The following CR2 variants were observed in gnomAD, a reference collection of about 807,000 sequenced individuals.
CR2 encodes complement C3d receptor 2.
In CR2, 96 loss-of-function variants were observed where a neutral mutation model predicts 123.0. The ratio of observed to expected loss-of-function variants is 0.78; its 90% CI spans 0.66 to 0.93. The LOEUF (loss-of-function observed/expected upper bound fraction) is 0.93. Among genes scored for constraint, CR2 ranks in the 40% least tolerant of loss-of-function variants. The probability of loss-of-function intolerance (pLI) is 0.00; values close to 1 mark genes in which losing one functional copy is unlikely to be tolerated. For missense variants in CR2, 1,258 were observed against 1,361.0 expected, an observed-to-expected ratio of 0.92 and a Z score of 1.19; for synonymous variants, 484 against 469.5, an observed-to-expected ratio of 1.03 and a Z score of -0.40.
intron 16 of CR2, 141 bp downstream of exon 16, chr1:207,478,211 TCAGTGGTCTATTCTAGAAAAAGCA>T: frequency 1.1e-6 from 1 of 938,380 alleles, no homozygotes; most frequent in East Asian, 2.6e-5. Context: ...GAACTTGAAG[TCAGTGGTCTATTCTAGAAAAAGCA>T]CAGCTTGGCC....
rs758980063 is a variant in CR2 at position 207,472,850 on chromosome 1, C to A, written c.1649C>A (p.Thr550Asn). Residue 550 changes from threonine (T) to asparagine (N), a missense_variant, in exon 10 of 20, where the codon ACC (threonine) becomes AAC (asparagine). Physicochemically the swap from Thr to Asn is moderately conservative, Grantham distance 65. Coordinates refer to ENST00000367057, the MANE Select transcript of CR2 (RefSeq NM_001006658.3). ...TCCTTAGAAGATTTTCCATATGGAACCACGGTCACTTACACATGTAACCCT... is the reference window on the plus strand; with the variant it reads ...TCCTTAGAAGATTTTCCATATGGAAACACGGTCACTTACACATGTAACCCT... ...GSSLEDFPYG[T>N]TVTYTCNPGP... is the part of the protein sequence containing the mutation. The A allele has an allele frequency of 1.1e-5, 17 of 1,613,894 alleles. No homozygotes were observed. The highest frequency in any genetic ancestry group is 1.7e-5 in the Admixed American group (1 of 59,962).
chr1:207,460,956 T>C (rs1429466695), intron 1 of CR2, among the ~76,000 whole-genome samples: 2 of 152,170 alleles, frequency 1.3e-5, no homozygotes, highest in Non-Finnish European at 2.9e-5. Context: ...AAGATAGTTA[T>C]GTAAATTCAT....
At position 207,454,773 on chromosome 1, in the gene CR2, CCG is replaced by C; in HGVS notation, c.58+299_58+300del. The C allele has an allele frequency of 2.6e-6, 1 of 390,412 alleles. No homozygotes were observed. The highest frequency in any genetic ancestry group is 4.6e-6 in the Non-Finnish European group (1 of 216,588). The allele number at this position is 390,412 out of a possible 1,614,324, so 24.2% of individuals were successfully genotyped here. ...TGCTCGCGGTCTCCTGCCGGGCTCCCCGCCCCCAGGATTCTGCAGGTGCTCAT... is the reference window on the plus strand; with the variant it reads ...TGCTCGCGGTCTCCTGCCGGGCTCCCCCCCCAGGATTCTGCAGGTGCTCAT... On this transcript the variant is annotated intron_variant, in intron 1 of 19. Transcript: ENST00000367057. The surrounding 1 kb of genome is among the most constrained non-coding windows in gnomAD (Gnocchi z 4.3).
At chr1:207,474,468 C>T in intron 13 of CR2, 145 bp downstream of exon 13, 2 of 703,210 alleles carry the variant, frequency 2.8e-6, no homozygotes, top group South Asian at 1.6e-5. Flanking sequence ...TGGTGTTGGT[C>T]AGTATTGACA....
rs1265812765 is a variant in CR2, at chr1:207,470,745, C to T, written c.1231C>T (p.Gln411Ter). Residue 411 changes from glutamine (Q) to a stop codon, truncating the protein, a stop_gained, in exon 7 of 20, where the codon CAG becomes TAG. Transcript: ENST00000367057. LOFTEE classifies it high-confidence loss of function. ...GTTTTTGTCCTTTCATTTAGAATGC[C>T]AGGCCCCTCCTAACATCCTCAATGG... is the stretch of plus-strand genomic sequence containing the variant. ...PSAPVCEKEC[Q>*]APPNILNGQK... 1.2e-6 allele frequency: 2 copies of T among 1,613,638 alleles called. No individual in the cohort carries two copies. The highest frequency in any genetic ancestry group is 1.7e-6 in the Non-Finnish European group (2 of 1,179,776).
chr1:207,473,885 G>T lies in CR2; in HGVS notation c.2240G>T (p.Gly747Val), dbSNP rs1273753802. ...VELVNTSCQDGYQLTGHAYQM... is the reference protein window; with the variant it reads ...VELVNTSCQDVYQLTGHAYQM... ...CTAGTTAATACGTCCTGCCAAGATGGGTGAGTATGAAGTGGTCTATTCTGA... is the reference window on the plus strand; with the variant it reads ...CTAGTTAATACGTCCTGCCAAGATGTGTGAGTATGAAGTGGTCTATTCTGA... Residue 747 changes from glycine to valine, a missense_variant and splice_region_variant, in exon 12 of 20, where the codon GGG (glycine) becomes GTG (valine). Coordinates refer to ENST00000367057, the MANE Select transcript of CR2 (RefSeq NM_001006658.3). The T allele has an allele frequency of 4.0e-5, 65 of 1,613,370 alleles. No homozygotes were observed. Among genetic ancestry groups the T allele is most frequent in the Non-Finnish European group, 5.3e-5 (63 of 1,179,644 alleles).
At chr1:207,464,106 T>C (rs1658030594) in intron 1 of CR2, among the ~76,000 whole-genome samples, 2 of 152,322 alleles carry the variant, frequency 1.3e-5, no homozygotes, top group East Asian at 3.9e-4. Context: ...CTTTATTCCA[T>C]GCAAAAAGTA....
chr1:207,471,605 G>A, intron 9 of CR2, 106 bp downstream of exon 9: 3 of 819,058 alleles, frequency 3.7e-6, no homozygotes, highest in African/African-American at 1.7e-5. Context: ...ATTAGATTCT[G>A]TTCTATTGAT....
Position 207,488,202 on chromosome 1 carries a change from C to A in CR2, c.*19-940C>A, listed in dbSNP as rs1658799562. On this transcript the variant is annotated intron_variant, in intron 19 of 19. Transcript: ENST00000367057. ...CCACTTTGAAAGGTGGGTGTTCTCC[C>A]AAGATAATATCAAGATGAAGAAATA... Among the ~76,000 whole-genome samples, 3 of 152,256 alleles carry A rather than the reference C, an allele frequency of 2.0e-5. No homozygotes were observed. In the South Asian group the frequency reaches 6.2e-4, roughly 32 times the overall value.
Position 207,454,678 on chromosome 1 carries a change from C to A in CR2, c.58+202C>A. On this transcript the variant is annotated intron_variant, in intron 1 of 19. Transcript: ENST00000367057. The surrounding 1 kb of genome is among the most constrained non-coding windows in gnomAD (Gnocchi z 4.3). ...CACTGGCCCCTCCGGGAGCTGGGAC[C>A]TCCAGAATTGGAGGCTGCGCCACAG... 3.9e-6 allele frequency: 2 copies of A among 514,504 alleles called. No individual in the cohort carries two copies. Among genetic ancestry groups the A allele is most frequent in the Non-Finnish European group, 6.8e-6 (2 of 292,790 alleles). 31.9% of individuals were successfully genotyped at this position (514,504 alleles called of 1,614,324 possible). A position where few individuals can be genotyped will look rare whatever the true frequency, so the allele number is the denominator to read the frequency against.
At chr1:207,479,039 G>A (rs1572962623) in intron 16 of CR2, among the ~76,000 whole-genome samples, 1 of 151,954 alleles carries the variant, frequency 6.6e-6, no homozygotes, top group Admixed American at 6.6e-5. Context: ...GCCCAGGTTG[G>A]TCTCAAACTC....
At chr1:207,477,313 G>C (rs1232604648) in intron 15 of CR2, among the ~76,000 whole-genome samples, 1 of 152,146 alleles carries the variant, frequency 6.6e-6, no homozygotes, top group South Asian at 2.1e-4. Context: ...CAGATCTCAT[G>C]AGACTTATTT....
rs960450056 is a variant in CR2 at position 207,476,132 on chromosome 1, G to T, written c.2717-102G>T. The T allele has an allele frequency of 5.3e-5, 57 of 1,084,978 alleles. No individual in the cohort carries two copies. In the African/African-American group the frequency reaches 7.1e-4, roughly 14 times the overall value. 67.2% of individuals were successfully genotyped at this position (1,084,978 alleles called of 1,614,324 possible). ...AATGTTTTTGGATACCAGTTAGTTG[G>T]CTTGTTGCTTCTGGCCTTCCTGTAT... On this transcript the variant is annotated intron_variant, in intron 14 of 19. Coordinates refer to ENST00000367057, the MANE Select transcript of CR2 (RefSeq NM_001006658.3).
chr1:207,473,050 G>T lies in CR2; in HGVS notation c.1849G>T (p.Glu617Ter), dbSNP rs763075733. 44 of 1,613,892 alleles carry T rather than the reference G, an allele frequency of 2.7e-5. No individual in the cohort carries two copies. Among genetic ancestry groups the T allele is most frequent in the Non-Finnish European group, 3.6e-5 (42 of 1,179,950 alleles). The stretch of plus-strand genomic sequence containing the variant: ...AAATGGATACAAGATATCTGGCAAG[G>T]AAGCCCCATATTTCTACAATGACAC... ...IANGYKISGK[E>*]APYFYNDTVT... Residue 617 changes from glutamate (E) to a stop codon, truncating the protein, a stop_gained, in exon 10 of 20, where the codon GAA becomes TAA. Transcript: ENST00000367057. LOFTEE classifies it high-confidence loss of function.
At chr1:207,479,211 T>C in intron 16 of CR2, 46 bp from the exon 17 acceptor site, 1 of 1,454,160 alleles carries the variant, frequency 6.9e-7, no homozygotes, top group Non-Finnish European at 9.7e-7. Flanking sequence ...CATTGAATTA[T>C]GACACTATAC....
intron 17 of CR2, among the ~76,000 whole-genome samples, 174 bp from the exon 18 acceptor site, chr1:207,479,804 G>C (rs532771102): frequency 6.6e-6 from 1 of 152,232 alleles, no homozygotes; most frequent in Admixed American, 6.5e-5. Flanking sequence ...GATCAAATCA[G>C]AAAAACCTTA....
Position 207,459,544 on chromosome 1 carries a change from T to C in CR2, c.58+5068T>C, listed in dbSNP as rs73089156. ...TTGTTTTTCATCCATTTCAAATGGA[T>C]TTCCAAGCCATTCCAGGTAAAGTCC... On this transcript the variant is annotated intron_variant, in intron 1 of 19. Coordinates refer to ENST00000367057, the MANE Select transcript of CR2 (RefSeq NM_001006658.3). Among the ~76,000 whole-genome samples, 607 of 152,352 alleles carry C rather than the reference T, an allele frequency of 4.0e-3. 9 individuals are homozygous for C. The highest frequency in any genetic ancestry group is 0.014 in the African/African-American group (571 of 41,582).
Position 207,475,021 on chromosome 1 carries a change from T to C in CR2, c.2521T>C (p.Ser841Pro), listed in dbSNP as rs1471202569. Residue 841 changes from serine to proline, a missense_variant, in exon 14 of 20, where the codon TCT (serine) becomes CCT (proline). Physicochemically the swap from Ser to Pro is moderately conservative, Grantham distance 74. Transcript: ENST00000367057. ...CGGGCCTTCCCCACAGTGCTTACGA[T>C]CTCCTCCTGTGACTCGCTGCCCTAA... ...WSGPSPQCLR[S>P]PPVTRCPNPE... 6.2e-7 allele frequency: 1 copy of C among 1,614,090 alleles called. No individual in the cohort carries two copies. The highest frequency in any genetic ancestry group is 2.2e-5 in the East Asian group (1 of 44,878).
intron 19 of CR2, among the ~76,000 whole-genome samples, chr1:207,486,480 A>G (rs566058285): frequency 2.0e-5 from 3 of 152,252 alleles, no homozygotes; most frequent in Admixed American, 2.0e-4. Flanking sequence ...GGAGAGGATG[A>G]TTGTATAAAG....
Sources: allele counts gnomAD v4.1 joint callset (sites outside exome capture counted in the v4.1 genomes callset), GRCh38; gene constraint gnomAD v4.1.1; non-coding constraint Gnocchi (gnomAD v3.1); transcripts MANE v1.5; gene names NCBI Gene and HGNC (gene_info 2026-07-23, HGNC 2026-07-21).